HNRNPA2B1: variants seen among roughly 807,000 people sequenced by gnomAD.
HNRNPA2B1 encodes heterogeneous nuclear ribonucleoprotein A2/B1, also known as heterogeneous nuclear ribonucleoproteins A2/B1.
A neutral mutation model predicts 46.3 loss-of-function variants in HNRNPA2B1; 3 were observed. The observed-to-expected ratio is 0.06, with a 90% CI of 0.03 to 0.17. HNRNPA2B1 has a LOEUF of 0.17. Ranked by LOEUF, HNRNPA2B1 falls within the 10% of genes least tolerant of loss-of-function variation. HNRNPA2B1 has a pLI of 1.00. For missense variants in HNRNPA2B1, 221 were observed against 418.9 expected (o/e 0.53, Z 4.12); for synonymous variants, 225 against 133.8 (o/e 1.68, Z -4.70).
rs1276616644 is a variant in HNRNPA2B1, at chr7:26,192,477, A to G, written c.*21+18T>C. On this transcript the variant is annotated intron_variant, in intron 10 of 10. Transcript: ENST00000618183. ...TCTCCCAAGATAATAATAATTGTAA[A>G]ACTCAAAAGCTACTTACCCATGGCA... is the stretch of plus-strand genomic sequence containing the variant. 6.5e-6 allele frequency: 10 copies of G among 1,529,468 alleles called. No individual in the cohort carries two copies. The Admixed American group carries it at 6.7e-5, about 10-fold the overall frequency. 94.7% of individuals were successfully genotyped at this position (1,529,468 alleles called of 1,614,324 possible).
intron 1 of HNRNPA2B1, chr7:26,197,990 T>A: frequency 1.9e-6 from 1 of 527,632 alleles, no homozygotes; most frequent in Non-Finnish European, 3.3e-6. Context: ...ATGCTTGATA[T>A]AAATTTACTC....
chr7:26,192,277 G>T lies in HNRNPA2B1; in HGVS notation c.*83C>A. On this transcript the variant is annotated 3_prime_UTR_variant, in exon 11 of 11. Transcript: ENST00000618183. ...AGAGTTTCCTTAACATTGTTATTTC[G>T]ATAACCTGAAGCTGTTCTGTTACCT... 8.4e-6 allele frequency: 4 copies of T among 475,950 alleles called. No homozygotes were observed. Among genetic ancestry groups the T allele is most frequent in the Non-Finnish European group, 1.5e-5 (4 of 265,812 alleles). The allele number at this position is 475,950 out of a possible 1,614,324, so 29.5% of individuals were successfully genotyped here. A position where few individuals can be genotyped will look rare whatever the true frequency, so the allele number is the denominator to read the frequency against.
At chr7:26,198,066 G>C (rs1004896822) in intron 1 of HNRNPA2B1, 4 of 409,912 alleles carry the variant, frequency 9.8e-6, no homozygotes, top group African/African-American at 4.2e-5. Context: ...AACAAATGTA[G>C]ACCGTGATTA....
Position 26,196,390 on chromosome 7 carries a change from T to C in HNRNPA2B1, c.658+11A>G, listed in dbSNP as rs772118151. ...CACTCATCCTTTAAACACGTAGAAC[T>C]TGAAACTCACCAGATCCTCCTCTAA... On this transcript the variant is annotated intron_variant, in intron 6 of 10. Coordinates refer to ENST00000618183, the MANE Select transcript of HNRNPA2B1 (RefSeq NM_002137.4). 3 of 1,607,536 alleles carry C rather than the reference T, an allele frequency of 1.9e-6. No homozygotes were observed. The highest frequency in any genetic ancestry group is 1.7e-5 in the Admixed American group (1 of 59,740).
chr7:26,194,824 G>T (rs907996633), intron 7 of HNRNPA2B1, among the ~76,000 whole-genome samples: 1 of 151,628 alleles, frequency 6.6e-6, no homozygotes. Context: ...GCTGGGCATG[G>T]TTGCTCACGC....
chr7:26,198,026 A>G, intron 1 of HNRNPA2B1: 1 of 438,568 alleles, frequency 2.3e-6, no homozygotes, highest in East Asian at 3.5e-5. Flanking sequence ...TAAATTATTA[A>G]TTAAAAAAAA....
intron 6 of HNRNPA2B1, 80 bp from the exon 7 acceptor site, chr7:26,195,989 T>G (rs1783564126): frequency 2.0e-6 from 3 of 1,512,178 alleles, no homozygotes; most frequent in Non-Finnish European, 2.6e-6. Flanking sequence ...GTTCTCTTAC[T>G]ACCTCAGCAC....
Position 26,200,732 on chromosome 7 carries a change from G to A in HNRNPA2B1, c.-155C>T, listed in dbSNP as rs984844156. The A allele has an allele frequency of 1.1e-5, 10 of 925,864 alleles. 1 individual carries two copies. The highest frequency in any genetic ancestry group is 9.3e-5 in the South Asian group (7 of 75,456). 57.4% of individuals were successfully genotyped at this position (925,864 alleles called of 1,614,324 possible). On this transcript the variant is annotated 5_prime_UTR_variant, in exon 1 of 11. Transcript: ENST00000618183. The stretch of plus-strand genomic sequence containing the variant: ...CGAGGAGCACCTCCGCACGGGACCC[G>A]GCGCTGCTGCTACTGCCGCTAGAGC...
intron 7 of HNRNPA2B1, among the ~76,000 whole-genome samples, chr7:26,194,474 G>A (rs944410774): frequency 6.6e-6 from 1 of 151,912 alleles, no homozygotes; most frequent in African/African-American, 2.4e-5. Context: ...TGAGGCGGGT[G>A]GATTGCTTGA....
At chr7:26,198,446 G>A (rs902743420) in intron 1 of HNRNPA2B1, 1 of 152,354 alleles carries the variant, frequency 6.6e-6, no homozygotes, top group Non-Finnish European at 1.5e-5. Flanking sequence ...TTAATTTTTG[G>A]TGGACATGTC....
At chr7:26,198,916 G>A (rs976288494) in intron 1 of HNRNPA2B1, 7 of 152,014 alleles carry the variant, frequency 4.6e-5, no homozygotes, top group African/African-American at 1.7e-4. Flanking sequence ...AAAAAGTAGT[G>A]GTAAAACCCA....
chr7:26,195,851 A>T lies in HNRNPA2B1; in HGVS notation c.717T>A (p.Pro239=), dbSNP rs1325527456. 6.2e-7 allele frequency: 1 copy of T among 1,611,244 alleles called. No homozygotes were observed. Among genetic ancestry groups the T allele is most frequent in the South Asian group, 1.1e-5 (1 of 90,508 alleles). The change falls in exon 7 of 11, where the codon CCT becomes CCA. Residue 239 remains proline, a synonymous_variant. Coordinates refer to ENST00000618183, the MANE Select transcript of HNRNPA2B1 (RefSeq NM_002137.4). ...AAAACGTAGAGGAAAACTGACCTCC[A>T]GGTCCTCCTCCATACCCATTATAGC... The part of the protein sequence containing the change: ...GDGYNGYGGG[P]GGGNFGGSPG...
chr7:26,197,198 A>T, intron 3 of HNRNPA2B1, 117 bp downstream of exon 3: 1 of 1,305,670 alleles, frequency 7.7e-7, no homozygotes, highest in Non-Finnish European at 1.1e-6. Flanking sequence ...CAGAAACCCA[A>T]CACACCTTTA....
chr7:26,199,697 T>C (rs1456154093), intron 1 of HNRNPA2B1: 2 of 152,194 alleles, frequency 1.3e-5, no homozygotes, highest in African/African-American at 4.8e-5. Context: ...ATGTTTATTT[T>C]GCCGCGGTTC....
chr7:26,195,326 A>T (rs1307899014), intron 7 of HNRNPA2B1, among the ~76,000 whole-genome samples: 1 of 152,178 alleles, frequency 6.6e-6, no homozygotes. Flanking sequence ...AGTGTGTATC[A>T]GCCTTTTCTG....
intron 1 of HNRNPA2B1, 41 bp from the exon 2 acceptor site, chr7:26,197,773 C>A (rs1476333163): frequency 6.3e-7 from 1 of 1,599,100 alleles, no homozygotes; most frequent in Non-Finnish European, 8.6e-7. Context: ...TTTACATTTT[C>A]CTCTTTGTAT....
chr7:26,195,789 A>G (rs1783519397), intron 7 of HNRNPA2B1, 58 bp downstream of exon 7: 1 of 1,563,568 alleles, frequency 6.4e-7, no homozygotes, highest in Non-Finnish European at 8.7e-7. Context: ...TGAAGTAAAT[A>G]TACGATATAG....
In HNRNPA2B1 at chr7:26,193,711, C is replaced by T. The variant is rs764968841; in HGVS notation, c.722-17G>A. ...AATTGCCACCTATTATAAAATAAGC[C>T]TTTAAGTAATCACTTAATATTTTCA... On this transcript the variant is annotated splice_polypyrimidine_tract_variant and intron_variant, in intron 7 of 10. Coordinates refer to ENST00000618183, the MANE Select transcript of HNRNPA2B1 (RefSeq NM_002137.4). 3.0e-5 allele frequency: 48 copies of T among 1,603,364 alleles called. No homozygotes were observed. The highest frequency in any genetic ancestry group is 8.5e-5 in the Admixed American group (5 of 58,512).
chr7:26,200,649 G>A lies in HNRNPA2B1; in HGVS notation c.-72C>T. On this transcript the variant is annotated 5_prime_UTR_variant, in exon 1 of 11. Transcript: ENST00000618183. ...GAGAGAGATCTCCGCGGACGAACAC[G>A]AACCGGACTCGTCCTGGCGCTGTAG... 4 of 1,601,830 alleles carry A rather than the reference G, an allele frequency of 2.5e-6. No individual in the cohort carries two copies. The highest frequency in any genetic ancestry group is 1.7e-5 in the Admixed American group (1 of 60,020).
Sources: gnomAD v4.1 joint callset for allele counts (sites outside exome capture counted in the v4.1 genomes callset) on GRCh38, gnomAD v4.1.1 for gene constraint, MANE v1.5 for transcripts, NCBI Gene and HGNC (gene_info 2026-07-23, HGNC 2026-07-21) for gene names.